CTNNA1: variants seen among roughly 807,000 people sequenced by gnomAD.
CTNNA1 encodes the protein catenin alpha 1, also known as catenin alpha-1.
A neutral mutation model predicts 98.4 loss-of-function variants in CTNNA1; 37 were observed. The observed-to-expected ratio is 0.38, with a 90% CI of 0.29 to 0.49. The LOEUF is 0.49. Ranked by LOEUF, CTNNA1 falls within the 20% of genes least tolerant of loss-of-function variation. The pLI is 0.95. For synonymous variants in CTNNA1, 404 were observed against 413.2 expected (o/e 0.98, Z 0.27); for missense variants, 761 against 1,147.2 (o/e 0.66, Z 4.86).
intron 1 of CTNNA1, among the ~76,000 whole-genome samples, chr5:138,765,375 T>C (rs896625832): frequency 7.9e-5 from 12 of 151,608 alleles, no homozygotes; most frequent in Non-Finnish European, 1.0e-4. Flanking sequence ...AGAGACGAGG[T>C]TTCACCATGT....
chr5:138,792,349 G>C (rs968487894), intron 3 of CTNNA1, among the ~76,000 whole-genome samples: 1 of 152,234 alleles, frequency 6.6e-6, no homozygotes, highest in Admixed American at 6.5e-5. Flanking sequence ...ACTGACTAGA[G>C]TCAAGATTGA....
chr5:138,856,092 T>C lies in CTNNA1; in HGVS notation c.1062+28374T>C, dbSNP rs192848323. Among the ~76,000 whole-genome samples the C allele has an allele frequency of 1.2e-4, 19 of 152,338 alleles. No homozygotes were observed. In the East Asian group the frequency reaches 2.9e-3, roughly 23 times the overall value. On this transcript the variant is annotated intron_variant, in intron 7 of 17. Transcript: ENST00000302763. ...AACCCTCAAGATGTCATTTCTTAGC[T>C]TTAATTTCTGTTAAGATGGGAAGTA...
chr5:138,803,054 C>T (rs1757738944), intron 3 of CTNNA1, among the ~76,000 whole-genome samples: 1 of 151,894 alleles, frequency 6.6e-6, no homozygotes, highest in African/African-American at 2.4e-5. Context: ...CCTCCTGCCT[C>T]AGCTTCCCAG....
intron 2 of CTNNA1, chr5:138,782,243 G>A (rs28363384): frequency 1.1e-4 from 72 of 629,082 alleles, no homozygotes; most frequent in Non-Finnish European, 1.7e-4. Context: ...TGCTAGTAAC[G>A]GGTCCATGGT....
intron 7 of CTNNA1, among the ~76,000 whole-genome samples, chr5:138,834,860 G>A (rs760293231): frequency 6.6e-6 from 1 of 152,048 alleles, no homozygotes; most frequent in Non-Finnish European, 1.5e-5. Context: ...GGGTGCGGGC[G>A]GGCTGAGTCC....
Position 138,841,746 on chromosome 5 carries a change from T to TA in CTNNA1, c.1062+14029dup, listed in dbSNP as rs28363419. On this transcript the variant is annotated intron_variant, in intron 7 of 17. Transcript: ENST00000302763. Reference sequence around the variant, plus strand: ...TGGTCAGTAAATATCCTACAAGTATTACTTTCAGATGTTTTGAAATGATTG... The same window carrying TA: ...TGGTCAGTAAATATCCTACAAGTATTAACTTTCAGATGTTTTGAAATGATTG... 1.1e-3 allele frequency among the ~76,000 whole-genome samples: 169 copies of TA among 152,348 alleles called. 6 individuals carry two copies. In the East Asian group the frequency reaches 0.029, roughly 26 times the overall value.
chr5:138,911,264 T>C (rs1179477114), intron 10 of CTNNA1, among the ~76,000 whole-genome samples: 1 of 152,148 alleles, frequency 6.6e-6, no homozygotes, highest in Non-Finnish European at 1.5e-5. Context: ...TCTCTCTGAC[T>C]TCTGTGAAGA....
At chr5:138,918,437 T>C (rs1022404212) in intron 11 of CTNNA1, among the ~76,000 whole-genome samples, 1 of 152,216 alleles carries the variant, frequency 6.6e-6, no homozygotes, top group African/African-American at 2.4e-5. Flanking sequence ...ATAGTCATAG[T>C]TTATCTGCCT....
In CTNNA1 at chr5:138,875,819, G is replaced by T. The variant is rs529900496; in HGVS notation, c.1063-10393G>T. 38 of 771,094 alleles carry T rather than the reference G, an allele frequency of 4.9e-5. 1 individual carries two copies. Among genetic ancestry groups the T allele is most frequent in the Non-Finnish European group, 6.0e-5 (38 of 634,272 alleles). 47.8% of individuals were successfully genotyped at this position (771,094 alleles called of 1,614,324 possible). On this transcript the variant is annotated intron_variant, in intron 7 of 17. Transcript: ENST00000302763. ...TTGGTTAAAATCAAAGTATGACTAT[G>T]ATTTGCTTTAGATGTGTTGATAAAC...
chr5:138,908,375 T>C (rs966559494), intron 10 of CTNNA1, among the ~76,000 whole-genome samples: 1 of 152,188 alleles, frequency 6.6e-6, no homozygotes, highest in South Asian at 2.1e-4. Context: ...ACATTTGAGA[T>C]AGTAAAGTTG....
chr5:138,872,222 A>C (rs969812765), intron 7 of CTNNA1: 4 of 152,636 alleles, frequency 2.6e-5, no homozygotes, highest in African/African-American at 9.6e-5. Context: ...ATGCTAGTTT[A>C]AAACAGTTGT....
intron 9 of CTNNA1, among the ~76,000 whole-genome samples, chr5:138,890,279 A>G (rs1427133246): frequency 1.3e-5 from 2 of 152,156 alleles, no homozygotes; most frequent in Non-Finnish European, 2.9e-5. Context: ...AAATACTGCA[A>G]TACAGTTCTG....
chr5:138,898,601 TAA>T (rs74525874), intron 9 of CTNNA1, among the ~76,000 whole-genome samples: 22 of 143,040 alleles, frequency 1.5e-4, no homozygotes, highest in Admixed American at 1.4e-4. Flanking sequence ...GACCCTGTCT[TAA>T]AAAAAAAAAA....
intron 11 of CTNNA1, among the ~76,000 whole-genome samples, chr5:138,920,311 GAGATATTTCCCCAT>G (rs1348931247): frequency 1.3e-5 from 2 of 152,202 alleles, no homozygotes; most frequent in Non-Finnish European, 2.9e-5. Flanking sequence ...CGGGGGACTA[GAGATATTTCCCCAT>G]CGCTCCTGAC....
intron 3 of CTNNA1, among the ~76,000 whole-genome samples, chr5:138,797,326 G>T (rs1054050858): frequency 6.6e-6 from 1 of 152,094 alleles, no homozygotes; most frequent in African/African-American, 2.4e-5. Flanking sequence ...AAGCTCTGTC[G>T]ATATTTTGGT....
At chr5:138,781,899 A>G (rs772379720) in intron 1 of CTNNA1, 24 bp from the exon 2 acceptor site, 1 of 1,565,854 alleles carries the variant, frequency 6.4e-7, no homozygotes, top group South Asian at 1.2e-5. Flanking sequence ...TGTTTGCCTG[A>G]CTGACTTTTT....
chr5:138,912,152 A>G (rs1408910147), intron 10 of CTNNA1, among the ~76,000 whole-genome samples: 1 of 152,170 alleles, frequency 6.6e-6, no homozygotes, highest in Non-Finnish European at 1.5e-5. Flanking sequence ...TGGGGTCCCT[A>G]ACATTGAGAG....
rs780367865 is a variant in CTNNA1, at chr5:138,783,336, G to A, written c.265G>A (p.Glu89Lys). Residue 89 changes from glutamate to lysine, a missense_variant, in exon 3 of 18, where the codon GAG (glutamate) becomes AAG (lysine). This residue lies in a region of CTNNA1 where 328 missense variants were observed against 354.3 expected (regional missense o/e 0.93). Coordinates refer to ENST00000302763, the MANE Select transcript of CTNNA1 (RefSeq NM_001903.5). ...GAAGGAGAGCCAGTTTCTCAAGGAG[G>A]AGCTTGTGGCTGCTGTAGAAGATGT... ...IAKESQFLKEELVAAVEDVRK... is the reference protein window; with the variant it reads ...IAKESQFLKEKLVAAVEDVRK... 1.9e-6 allele frequency: 3 copies of A among 1,614,056 alleles called. No individual in the cohort carries two copies. The highest frequency in any genetic ancestry group is 2.5e-6 in the Non-Finnish European group (3 of 1,179,938).
At chr5:138,860,013 C>T (rs1381422841) in intron 7 of CTNNA1, among the ~76,000 whole-genome samples, 7 of 151,576 alleles carry the variant, frequency 4.6e-5, no homozygotes, top group Non-Finnish European at 7.4e-5. Flanking sequence ...CGTGTGCATG[C>T]GTGTGTGTGT....
Sources: allele counts gnomAD v4.1 joint callset (sites outside exome capture counted in the v4.1 genomes callset), GRCh38; gene constraint gnomAD v4.1.1; regional missense constraint gnomAD v4.1.1; transcripts MANE v1.5; gene names NCBI Gene and HGNC (gene_info 2026-07-23, HGNC 2026-07-21).